RAB3C: variants seen among roughly 807,000 people sequenced by gnomAD.
RAB3C encodes RAB3C, member RAS oncogene family, also known as ras-related protein Rab-3C.
In RAB3C, 17 loss-of-function variants were observed where a neutral mutation model predicts 26.4. That is an observed-to-expected ratio of 0.64 (90% confidence interval 0.44 to 0.97). The LOEUF (loss-of-function observed/expected upper bound fraction) is 0.97. Ranked by LOEUF, RAB3C falls within the 50% of genes least tolerant of loss-of-function variation. The pLI, the probability that RAB3C is intolerant of heterozygous loss-of-function variation, is 0.00. For missense variants in RAB3C, 242 were observed against 281.9 expected (o/e 0.86, Z 1.01); for synonymous variants, 91 against 95.9 (o/e 0.95, Z 0.30).
At chr5:58,832,002 A>G (rs1204435088) in intron 4 of RAB3C, among the ~76,000 whole-genome samples, 1 of 152,224 alleles carries the variant, frequency 6.6e-6, no homozygotes, top group Non-Finnish European at 1.5e-5. Context: ...ATGTGTAGAC[A>G]TGATTGAGAA....
At chr5:58,821,319 C>T (rs962059698) in intron 3 of RAB3C, among the ~76,000 whole-genome samples, 3 of 152,198 alleles carry the variant, frequency 2.0e-5, no homozygotes. Flanking sequence ...AAGCCCCTGG[C>T]TTACAAGACC....
intron 2 of RAB3C, among the ~76,000 whole-genome samples, chr5:58,657,308 G>T (rs1439171955): frequency 6.6e-6 from 1 of 151,768 alleles, no homozygotes; most frequent in Non-Finnish European, 1.5e-5. Flanking sequence ...TCAGGTGATG[G>T]GTGCACCAAA....
chr5:58,670,300 G>T (rs1336056551), intron 2 of RAB3C, among the ~76,000 whole-genome samples: 3 of 151,850 alleles, frequency 2.0e-5, no homozygotes, highest in African/African-American at 7.3e-5. Flanking sequence ...AAATAAAGAC[G>T]GTCTCCAAAG....
intron 3 of RAB3C, among the ~76,000 whole-genome samples, chr5:58,818,497 ATTTGT>A (rs747521623): frequency 1.3e-5 from 2 of 152,104 alleles, no homozygotes; most frequent in African/African-American, 2.4e-5. Flanking sequence ...AGCTTGAGGT[ATTTGT>A]TTTGTTTTGT....
At chr5:58,699,424 G>A (rs992656431) in intron 2 of RAB3C, among the ~76,000 whole-genome samples, 5 of 152,198 alleles carry the variant, frequency 3.3e-5, no homozygotes, top group African/African-American at 4.8e-5. Flanking sequence ...TGGGGGTCAG[G>A]GACCCACTTG....
chr5:58,692,577 C>T (rs781778044), intron 2 of RAB3C, among the ~76,000 whole-genome samples: 8 of 152,096 alleles, frequency 5.3e-5, no homozygotes, highest in Non-Finnish European at 1.2e-4. Context: ...TTACTGTAAA[C>T]ATTGAGGTGA....
intron 1 of RAB3C, among the ~76,000 whole-genome samples, chr5:58,612,517 T>TATATATATATATATATAC: frequency 2.5e-5 from 1 of 39,558 alleles, no homozygotes; most frequent in African/African-American, 8.5e-5. Flanking sequence ...TGTGTGTGTG[T>TATATATATATATATATAC]GTGTATATAT....
At chr5:58,783,254 G>T (rs563357134) in intron 3 of RAB3C, among the ~76,000 whole-genome samples, 14 of 152,202 alleles carry the variant, frequency 9.2e-5, no homozygotes, top group African/African-American at 3.1e-4. Context: ...CATTTTTTTA[G>T]ATTAAAGGCT....
chr5:58,691,219 C>T (rs1234603203), intron 2 of RAB3C, among the ~76,000 whole-genome samples: 1 of 152,148 alleles, frequency 6.6e-6, no homozygotes, highest in Non-Finnish European at 1.5e-5. Context: ...CAGATTCCCA[C>T]ACCCACTCTT....
At chr5:58,693,354 A>AT (rs1748620106) in intron 2 of RAB3C, among the ~76,000 whole-genome samples, 2 of 143,604 alleles carry the variant, frequency 1.4e-5, no homozygotes, top group East Asian at 3.9e-4. Flanking sequence ...ATATATATAT[A>AT]TATATATAAA....
intron 2 of RAB3C, among the ~76,000 whole-genome samples, chr5:58,695,954 A>C (rs965567963): frequency 1.3e-5 from 2 of 152,188 alleles, no homozygotes; most frequent in African/African-American, 4.8e-5. Flanking sequence ...AATTTCCAAC[A>C]CTATGTTGAA....
intron 4 of RAB3C, among the ~76,000 whole-genome samples, chr5:58,845,612 A>ATATATATATATATATATATGTGTGTG: frequency 2.7e-4 from 22 of 81,698 alleles, no homozygotes; most frequent in African/African-American, 4.1e-4. Context: ...ATATATATAT[A>ATATATATATATATATATATGTGTGTG]TGTGTGTGTG....
rs1195126793 is a variant in RAB3C, at chr5:58,825,045, C to G, written c.379C>G (p.Gln127Glu). 2.5e-6 allele frequency: 4 copies of G among 1,605,082 alleles called. No homozygotes were observed. Among genetic ancestry groups the G allele is most frequent in the Non-Finnish European group, 3.4e-6 (4 of 1,175,404 alleles). The change falls in exon 4 of 5, where the codon CAA (glutamine) becomes GAA (glutamate). Residue 127 changes from glutamine (Q) to glutamate (E), a missense_variant. Gln to Glu is a conservative substitution (Grantham distance 29). Coordinates refer to ENST00000282878, the MANE Select transcript of RAB3C (RefSeq NM_138453.4). Reference protein sequence around the residue: ...SFNAVQDWSTQIKTYSWDNAQ... With the variant: ...SFNAVQDWSTEIKTYSWDNAQ... ...TTCTTCTTTTTCTTTTAGGTCAACT[C>G]AAATCAAAACATACTCTTGGGACAA... is the stretch of plus-strand genomic sequence containing the variant.
At chr5:58,619,434 G>A (rs1237545998) in intron 2 of RAB3C, among the ~76,000 whole-genome samples, 1 of 152,094 alleles carries the variant, frequency 6.6e-6, no homozygotes, top group Non-Finnish European at 1.5e-5. Context: ...ATTGTTATAT[G>A]ATACATTTCG....
chr5:58,740,255 C>T (rs1001346115), intron 3 of RAB3C, among the ~76,000 whole-genome samples: 7 of 152,198 alleles, frequency 4.6e-5, no homozygotes, highest in African/African-American at 1.2e-4. Context: ...CTGGACCTCA[C>T]GCCTGGGCCT....
intron 3 of RAB3C, among the ~76,000 whole-genome samples, chr5:58,757,997 A>G (rs1202553440): frequency 1.3e-5 from 2 of 152,172 alleles, no homozygotes; most frequent in African/African-American, 2.4e-5. Flanking sequence ...GCTGGAGTGC[A>G]GTGGTGCGAT....
At chr5:58,754,577 A>G (rs1331988147) in intron 3 of RAB3C, among the ~76,000 whole-genome samples, 1 of 152,200 alleles carries the variant, frequency 6.6e-6, no homozygotes, top group Non-Finnish European at 1.5e-5. Context: ...CAACACACTG[A>G]AAGTGCGAAT....
At chr5:58,824,775 T>A (rs111843806) in intron 3 of RAB3C, among the ~76,000 whole-genome samples, 126 of 152,292 alleles carry the variant, frequency 8.3e-4, no homozygotes, top group African/African-American at 2.9e-3. Context: ...AAAGGAAGAA[T>A]CAGTAGTGGT....
intron 2 of RAB3C, among the ~76,000 whole-genome samples, chr5:58,669,845 C>T (rs1748076313): frequency 1.3e-5 from 2 of 152,140 alleles, no homozygotes; most frequent in Non-Finnish European, 2.9e-5. Flanking sequence ...ACTCATCATC[C>T]AGTTCCCATC....
Sources: allele counts gnomAD v4.1 joint callset (sites outside exome capture counted in the v4.1 genomes callset), GRCh38; gene constraint gnomAD v4.1.1; transcripts MANE v1.5; gene names NCBI Gene and HGNC (gene_info 2026-07-23, HGNC 2026-07-21).